The following PDE7A variants were observed in gnomAD, a reference collection of about 807,000 sequenced individuals.
PDE7A encodes the protein high affinity 3',5'-cyclic-AMP phosphodiesterase 7A.
Under a neutral mutation model 64.3 loss-of-function variants are expected in PDE7A, and 39 were observed. That is an observed-to-expected ratio of 0.61 (90% CI 0.47 to 0.79). The LOEUF (loss-of-function observed/expected upper bound fraction) is 0.79, where lower values mean the gene tolerates loss of function less well. Ranked by LOEUF, PDE7A falls within the 30% of genes least tolerant of loss-of-function variation. The pLI, the probability that PDE7A is intolerant of heterozygous loss-of-function variation, is 0.00. For synonymous variants in PDE7A, 203 were observed against 206.8 expected (o/e 0.98, Z 0.16); for missense variants, 470 against 582.8 (o/e 0.81, Z 1.99).
At chr8:65,820,612 T>C (rs927999845) in intron 1 of PDE7A, among the ~76,000 whole-genome samples, 2 of 152,180 alleles carry the variant, frequency 1.3e-5, no homozygotes, top group Non-Finnish European at 2.9e-5. Flanking sequence ...TCTTTTGAGA[T>C]GGAGTCTCGC....
intron 6 of PDE7A, among the ~76,000 whole-genome samples, chr8:65,736,419 CA>C (rs1807129251): frequency 6.6e-6 from 1 of 152,150 alleles, no homozygotes; most frequent in African/African-American, 2.4e-5. Context: ...GACTACTGTA[CA>C]GTATTTCAGG....
intron 1 of PDE7A, among the ~76,000 whole-genome samples, chr8:65,839,305 T>G (rs1344803740): frequency 6.6e-6 from 1 of 151,140 alleles, no homozygotes; most frequent in East Asian, 1.9e-4. Flanking sequence ...ACCTTCAGGC[T>G]TACGAACTAA....
At chr8:65,788,794 A>G (rs1809626322) in intron 1 of PDE7A, 1 of 861,340 alleles carries the variant, frequency 1.2e-6, no homozygotes, top group Non-Finnish European at 1.9e-6. Context: ...AACTGAGGCA[A>G]AAGGAGGAGA....
chr8:65,784,536 TTAGA>T (rs1242721821), intron 1 of PDE7A, among the ~76,000 whole-genome samples: 4 of 152,154 alleles, frequency 2.6e-5, no homozygotes. Flanking sequence ...TTAAAAAGTC[TTAGA>T]TAGGAAGGCC....
chr8:65,733,395 T>C (rs1038677315), intron 7 of PDE7A, among the ~76,000 whole-genome samples: 2 of 152,168 alleles, frequency 1.3e-5, no homozygotes, highest in Non-Finnish European at 2.9e-5. Context: ...TGATTACTCA[T>C]CAATCTCTCC....
chr8:65,769,740 A>C (rs1373887194), intron 3 of PDE7A, among the ~76,000 whole-genome samples: 2 of 152,184 alleles, frequency 1.3e-5, no homozygotes, highest in Admixed American at 6.5e-5. Context: ...TACTGAAAAT[A>C]CAAATATTAG....
At chr8:65,787,600 A>G (rs1288490865) in intron 1 of PDE7A, among the ~76,000 whole-genome samples, 1 of 152,144 alleles carries the variant, frequency 6.6e-6, no homozygotes, top group Non-Finnish European at 1.5e-5. Flanking sequence ...TAAAAATAAA[A>G]TATTAGCATT....
chr8:65,823,109 G>A (rs1052188168), intron 1 of PDE7A, among the ~76,000 whole-genome samples: 9 of 152,072 alleles, frequency 5.9e-5, no homozygotes, highest in African/African-American at 1.9e-4. Context: ...GCTCTAAGGT[G>A]TCCTAACATT....
At chr8:65,739,425 TATAA>T in intron 6 of PDE7A, 73 bp downstream of exon 6, 1 of 1,431,678 alleles carries the variant, frequency 7.0e-7, no homozygotes, top group Non-Finnish European at 9.2e-7. Flanking sequence ...AGCTAACCGA[TATAA>T]CTGAGATAAA....
chr8:65,828,821 T>A (rs1174252804), intron 1 of PDE7A, among the ~76,000 whole-genome samples: 1 of 152,154 alleles, frequency 6.6e-6, no homozygotes, highest in African/African-American at 2.4e-5. Context: ...ACCTTTTATT[T>A]GCATTTCCTT....
chr8:65,798,206 A>ATATATATT, intron 1 of PDE7A, among the ~76,000 whole-genome samples: 4 of 73,810 alleles, frequency 5.4e-5, no homozygotes, highest in Middle Eastern at 5.9e-3. Flanking sequence ...ATATATATAT[A>ATATATATT]TTTTTTTTTT....
intron 3 of PDE7A, among the ~76,000 whole-genome samples, chr8:65,767,308 A>G (rs964427938): frequency 7.2e-5 from 11 of 152,300 alleles, no homozygotes; most frequent in Admixed American, 5.9e-4. Flanking sequence ...TACATTTCCA[A>G]CTGCATGACC....
At chr8:65,721,677 C>A (rs1585821234) in intron 12 of PDE7A, 1 of 152,050 alleles carries the variant, frequency 6.6e-6, no homozygotes, top group African/African-American at 2.4e-5. Flanking sequence ...TTTTAAATCT[C>A]ATTTGCAAGT....
At chr8:65,771,639 G>A (rs1259696254) in intron 3 of PDE7A, among the ~76,000 whole-genome samples, 1 of 152,084 alleles carries the variant, frequency 6.6e-6, no homozygotes, top group Non-Finnish European at 1.5e-5. Flanking sequence ...ACTTTGGGAG[G>A]CCAGGGCGGG....
chr8:65,795,408 G>T (rs1367716098), intron 1 of PDE7A, among the ~76,000 whole-genome samples: 1 of 152,200 alleles, frequency 6.6e-6, no homozygotes, highest in Non-Finnish European at 1.5e-5. Context: ...GGAGGGAGCT[G>T]TGAGGACAAG....
At chr8:65,767,710 G>A (rs971693806) in intron 3 of PDE7A, among the ~76,000 whole-genome samples, 1 of 152,196 alleles carries the variant, frequency 6.6e-6, no homozygotes, top group Non-Finnish European at 1.5e-5. Flanking sequence ...AACATGTAGA[G>A]TTTCTTGGAG....
chr8:65,726,761 C>A (rs1342500703), intron 9 of PDE7A, 114 bp downstream of exon 9: 3 of 580,700 alleles, frequency 5.2e-6, no homozygotes, highest in Non-Finnish European at 6.2e-6. Context: ...ATTTGACAAA[C>A]ACTGAAAACT....
chr8:65,834,712 A>C (rs1810913413), intron 1 of PDE7A, among the ~76,000 whole-genome samples: 1 of 152,148 alleles, frequency 6.6e-6, no homozygotes, highest in Non-Finnish European at 1.5e-5. Flanking sequence ...TCTAGCCATC[A>C]CTTTCTGAAA....
At chr8:65,824,354 A>G (rs1304694658) in intron 1 of PDE7A, among the ~76,000 whole-genome samples, 1 of 152,206 alleles carries the variant, frequency 6.6e-6, no homozygotes, top group Non-Finnish European at 1.5e-5. Flanking sequence ...TCCGGAGTTG[A>G]AATTTACTCC....
Sources: allele counts gnomAD v4.1 joint callset (sites outside exome capture counted in the v4.1 genomes callset), GRCh38; gene constraint gnomAD v4.1.1; transcripts MANE v1.5; gene names NCBI Gene and HGNC (gene_info 2026-07-23, HGNC 2026-07-21).